DPP10: variants seen among roughly 807,000 people sequenced by gnomAD.
DPP10 encodes dipeptidyl peptidase like 10.
A neutral mutation model predicts 120.9 loss-of-function variants in DPP10; 33 were observed. The ratio of observed to expected loss-of-function variants is 0.27; its 90% CI spans 0.21 to 0.37. The LOEUF is 0.37. DPP10 is among the 10% of genes least tolerant of loss of function. DPP10 has a pLI of 1.00. For missense variants in DPP10, 816 were observed against 942.8 expected, an observed-to-expected ratio of 0.87 and a Z score of 1.76; for synonymous variants, 337 against 326.1, an observed-to-expected ratio of 1.03 and a Z score of -0.36.
chr2:115,375,852 A>G (rs934677948), intron 3 of DPP10, among the ~76,000 whole-genome samples: 6 of 152,224 alleles, frequency 3.9e-5, no homozygotes, highest in African/African-American at 9.6e-5. Context: ...GATGAAAACA[A>G]CAAGAAGAAA....
chr2:114,717,919 G>A (rs1387346799), intron 1 of DPP10, among the ~76,000 whole-genome samples: 4 of 152,130 alleles, frequency 2.6e-5, no homozygotes, highest in Non-Finnish European at 5.9e-5. Context: ...CTTCTGATGA[G>A]ACATATTGTA....
intron 8 of DPP10, among the ~76,000 whole-genome samples, chr2:115,730,709 A>G (rs2092884812): frequency 6.6e-6 from 1 of 152,192 alleles, no homozygotes; most frequent in Non-Finnish European, 1.5e-5. Context: ...AAATCTATGT[A>G]TTCGGTCTGA....
intron 1 of DPP10, among the ~76,000 whole-genome samples, chr2:114,997,469 G>T (rs1451340564): frequency 6.7e-6 from 1 of 148,220 alleles, no homozygotes; most frequent in Admixed American, 6.8e-5. Flanking sequence ...TCCAACTTGA[G>T]TACAGAGCGA....
intron 1 of DPP10, among the ~76,000 whole-genome samples, chr2:115,067,336 C>T (rs2105429163): frequency 6.6e-6 from 1 of 151,728 alleles, no homozygotes; most frequent in Middle Eastern, 3.4e-3. Flanking sequence ...ACTGCAAGCT[C>T]CGCCTCCCGG....
At chr2:115,217,135 C>T (rs570538118) in intron 1 of DPP10, among the ~76,000 whole-genome samples, 1 of 152,268 alleles carries the variant, frequency 6.6e-6, no homozygotes, top group African/African-American at 2.4e-5. Context: ...TTTACCAAGA[C>T]ACTTCATAAT....
intron 1 of DPP10, among the ~76,000 whole-genome samples, chr2:114,579,394 G>A (rs1211183112): frequency 6.6e-6 from 1 of 152,082 alleles, no homozygotes; most frequent in Admixed American, 6.5e-5. Context: ...ATAATGTACT[G>A]TAATGGTAAT....
intron 3 of DPP10, among the ~76,000 whole-genome samples, chr2:115,365,743 C>T (rs541591948): frequency 2.0e-5 from 3 of 151,982 alleles, no homozygotes; most frequent in Non-Finnish European, 4.4e-5. Context: ...GTGCTTAAAA[C>T]ATTTTAATGT....
chr2:115,736,209 T>A (rs1676484267), intron 8 of DPP10, among the ~76,000 whole-genome samples: 1 of 152,172 alleles, frequency 6.6e-6, no homozygotes, highest in South Asian at 2.1e-4. Context: ...GGGTTATTGC[T>A]GTGATAATAA....
At chr2:115,274,408 C>G (rs1190885419) in intron 1 of DPP10, among the ~76,000 whole-genome samples, 6 of 151,972 alleles carry the variant, frequency 3.9e-5, no homozygotes, top group African/African-American at 4.8e-5. Flanking sequence ...TTTAGGTGCA[C>G]TTTGAGATCT....
In DPP10 at chr2:114,512,048, G is replaced by C. The variant is rs181500189; in HGVS notation, c.60+69210G>C. 2.6e-5 allele frequency among the ~76,000 whole-genome samples: 4 copies of C among 152,298 alleles called. No individual in the cohort carries two copies. The East Asian group carries it at 7.7e-4, about 29-fold the overall frequency. ...TGGAGATGAGACTCATAATTACTCT[G>C]ATGAAATTGTTGTCTTTGAACATAG... On this transcript the variant is annotated intron_variant, in intron 1 of 25. Transcript: ENST00000410059.
At chr2:115,381,058 T>G (rs2106468063) in intron 3 of DPP10, among the ~76,000 whole-genome samples, 1 of 152,282 alleles carries the variant, frequency 6.6e-6, no homozygotes, top group South Asian at 2.1e-4. Context: ...GTGGAGTATC[T>G]TTGTGGCATT....
intron 5 of DPP10, among the ~76,000 whole-genome samples, chr2:115,660,455 T>A (rs1206815222): frequency 1.3e-5 from 2 of 152,204 alleles, no homozygotes; most frequent in Non-Finnish European, 1.5e-5. Context: ...TGTATAAATA[T>A]CTCCAGGGGA....
intron 3 of DPP10, among the ~76,000 whole-genome samples, chr2:115,475,329 G>A (rs2075005815): frequency 6.6e-6 from 1 of 152,204 alleles, no homozygotes; most frequent in African/African-American, 2.4e-5. Context: ...TTCAGAGGAT[G>A]CAAACTGTAA....
At chr2:114,675,908 T>G (rs1349251391) in intron 1 of DPP10, among the ~76,000 whole-genome samples, 1 of 152,070 alleles carries the variant, frequency 6.6e-6, no homozygotes, top group Admixed American at 6.6e-5. Flanking sequence ...CAAGTGATTC[T>G]CCTACCTCAG....
At chr2:115,377,765 A>C (rs1214484040) in intron 3 of DPP10, among the ~76,000 whole-genome samples, 1 of 151,830 alleles carries the variant, frequency 6.6e-6, no homozygotes, top group Non-Finnish European at 1.5e-5. Flanking sequence ...TCAGCTTTCT[A>C]CATATGGCTA....
intron 1 of DPP10, among the ~76,000 whole-genome samples, chr2:114,663,678 G>T (rs1397351068): frequency 1.4e-5 from 2 of 142,058 alleles, no homozygotes; most frequent in Admixed American, 6.9e-5. Flanking sequence ...TAGAGAGAGA[G>T]AGAGAGAGAG....
intron 3 of DPP10, among the ~76,000 whole-genome samples, chr2:115,377,219 T>C (rs571909712): frequency 1.3e-5 from 2 of 151,430 alleles, no homozygotes; most frequent in Non-Finnish European, 3.0e-5. Flanking sequence ...ACCTGTTGTT[T>C]CCTGACTTTT....
chr2:115,239,048 G>T, intron 1 of DPP10, among the ~76,000 whole-genome samples: 1 of 152,084 alleles, frequency 6.6e-6, no homozygotes, highest in Non-Finnish European at 1.5e-5. Context: ...ATGTTTTTCT[G>T]CCTGCTTTAT....
At chr2:115,404,070 G>C (rs909451094) in intron 3 of DPP10, among the ~76,000 whole-genome samples, 6 of 152,212 alleles carry the variant, frequency 3.9e-5, no homozygotes, top group African/African-American at 9.6e-5. Context: ...TTCCCACATT[G>C]CTATAAAAAT....
Sources: gnomAD v4.1 joint callset for allele counts (sites outside exome capture counted in the v4.1 genomes callset) on GRCh38, gnomAD v4.1.1 for gene constraint, MANE v1.5 for transcripts, NCBI Gene and HGNC (gene_info 2026-07-23, HGNC 2026-07-21) for gene names.